FGF13: variants seen among roughly 807,000 people sequenced by gnomAD.
The protein encoded by FGF13 is fibroblast growth factor homologous factor 2.
FGF13 carries 2 observed loss-of-function variants against 19.5 expected under a neutral mutation model. That is an observed-to-expected ratio of 0.10 (90% CI 0.04 to 0.32). The LOEUF (loss-of-function observed/expected upper bound fraction) is 0.32, where lower values mean the gene tolerates loss of function less well. Among genes scored for constraint, FGF13 ranks in the 10% least tolerant of loss-of-function variants. The pLI is 1.00. For synonymous variants in FGF13, 72 were observed against 76.9 expected, an observed-to-expected ratio of 0.94 and a Z score of 0.33; for missense variants, 113 against 192.7, an observed-to-expected ratio of 0.59 and a Z score of 2.45.
intron 3 of FGF13, among the ~76,000 whole-genome samples, chrX:138,755,423 C>T (rs2090425649): frequency 8.9e-6 from 1 of 112,392 alleles, no homozygotes; most frequent in South Asian, 3.7e-4. Flanking sequence ...CAAGGTCCAA[C>T]AATTTCTTGT....
chrX:139,131,210 A>C (rs2083757796), intron 1 of FGF13, among the ~76,000 whole-genome samples: 1 of 111,659 alleles, frequency 9.0e-6, no homozygotes, highest in African/African-American at 3.3e-5. Context: ...GCATAGGAAA[A>C]GATAATAAAC....
intron 3 of FGF13, among the ~76,000 whole-genome samples, chrX:138,749,258 T>A (rs774994511): frequency 2.2e-3 from 233 of 107,922 alleles, no homozygotes; most frequent in Admixed American, 2.9e-3. Context: ...GTAGCTGCTC[T>A]AGAGAAATCA....
At chrX:138,738,104 TAGG>T (rs1469973662) in intron 1 of FGF13, among the ~76,000 whole-genome samples, 4 of 112,035 alleles carry the variant, frequency 3.6e-5, no homozygotes, top group Non-Finnish European at 3.8e-5. Flanking sequence ...GGGGATGCTC[TAGG>T]AGAACTCCAA....
rs1305412307 is a variant in FGF13 at position 139,064,184 on chromosome X, GTGT to G, written c.-113+139229_-113+139231del. ...AAATTTTTAAGTTAATATTTGTCTG[GTGT>G]TTATTTTTTCATCTATTTACTTTCA... On this transcript the variant is annotated intron_variant, in intron 1 of 2. Transcript: ENST00000421460. Among the ~76,000 whole-genome samples, 5 of 106,367 alleles carry G rather than the reference GTGT, an allele frequency of 4.7e-5. No homozygotes were observed. The East Asian group carries it at 1.5e-3, about 32-fold the overall frequency. The allele number at this position is 106,367 out of a possible 115,157, so 92.4% of individuals were successfully genotyped here.
At chrX:139,115,573 T>C (rs1298987424) in intron 1 of FGF13, among the ~76,000 whole-genome samples, 1 of 111,862 alleles carries the variant, frequency 8.9e-6, no homozygotes, top group Non-Finnish European at 1.9e-5. Flanking sequence ...GCCTGTGTCC[T>C]GATATCCTGG....
intron 1 of FGF13, among the ~76,000 whole-genome samples, chrX:139,007,690 C>G (rs1399810039): frequency 8.9e-6 from 1 of 112,310 alleles, no homozygotes; most frequent in Non-Finnish European, 1.9e-5. Context: ...GGAAACAGGA[C>G]AAGCTTGCAG....
intron 1 of FGF13, among the ~76,000 whole-genome samples, chrX:138,934,765 A>G (rs1341986883): frequency 6.2e-5 from 7 of 112,039 alleles, no homozygotes; most frequent in African/African-American, 2.3e-4. Flanking sequence ...CCTCATACAA[A>G]TGTACCCAGC....
chrX:138,956,984 T>G (rs760788208), intron 1 of FGF13, among the ~76,000 whole-genome samples: 2 of 111,858 alleles, frequency 1.8e-5, no homozygotes, highest in Non-Finnish European at 3.8e-5. Flanking sequence ...AAAAGGGATT[T>G]CAAAAGTCCC....
chrX:139,027,216 T>C (rs1037908531), intron 1 of FGF13, among the ~76,000 whole-genome samples: 1 of 112,367 alleles, frequency 8.9e-6, no homozygotes, highest in African/African-American at 3.2e-5. Context: ...TTAGACCTTA[T>C]AAAATGTACT....
At chrX:138,947,724 A>G (rs1238445054) in intron 1 of FGF13, among the ~76,000 whole-genome samples, 1 of 111,816 alleles carries the variant, frequency 8.9e-6, no homozygotes, top group Non-Finnish European at 1.9e-5. Flanking sequence ...CCTAATCACA[A>G]AACTACGGGG....
intron 1 of FGF13, among the ~76,000 whole-genome samples, chrX:138,902,759 A>T (rs2091538006): frequency 8.9e-6 from 1 of 111,978 alleles, no homozygotes. Context: ...AAGGAAGTCT[A>T]TATATGTTTG....
At chrX:138,861,091 GT>G (rs1007220843) in intron 2 of FGF13, among the ~76,000 whole-genome samples, 1 of 112,478 alleles carries the variant, frequency 8.9e-6, no homozygotes, top group African/African-American at 3.2e-5. Flanking sequence ...CATTGCAAAT[GT>G]TTTTCCATTG....
chrX:139,202,659 A>G (rs917904620), intron 1 of FGF13, among the ~76,000 whole-genome samples: 1 of 111,452 alleles, frequency 9.0e-6, no homozygotes, highest in African/African-American at 3.3e-5. Flanking sequence ...GACTTTGACA[A>G]CTTTCCGCGG....
At chrX:138,789,196 G>A (rs986306520) in intron 3 of FGF13, among the ~76,000 whole-genome samples, 1 of 110,454 alleles carries the variant, frequency 9.1e-6, no homozygotes, top group Non-Finnish European at 1.9e-5. Context: ...TTTAGACAGA[G>A]TCTCCCTCTG....
intron 1 of FGF13, among the ~76,000 whole-genome samples, chrX:138,961,974 A>G (rs1172160726): frequency 8.9e-6 from 1 of 112,157 alleles, no homozygotes; most frequent in Non-Finnish European, 1.9e-5. Flanking sequence ...CAATGGCAAC[A>G]CAAGCCAAAA....
At chrX:139,183,941 GATCT>G (rs2084259821) in intron 1 of FGF13, among the ~76,000 whole-genome samples, 1 of 111,728 alleles carries the variant, frequency 9.0e-6, no homozygotes, top group African/African-American at 3.3e-5. Context: ...TGGAGAGGCT[GATCT>G]ATCTAACTGA....
At chrX:138,668,158 C>T (rs1310968047) in intron 3 of FGF13, among the ~76,000 whole-genome samples, 1 of 111,530 alleles carries the variant, frequency 9.0e-6, no homozygotes, top group Non-Finnish European at 1.9e-5. Flanking sequence ...CTGTAAAATG[C>T]TGTGCATGTA....
At chrX:138,824,519 C>T (rs1032939032) in intron 3 of FGF13, among the ~76,000 whole-genome samples, 1 of 111,126 alleles carries the variant, frequency 9.0e-6, no homozygotes, top group Non-Finnish European at 1.9e-5. Flanking sequence ...AGAACCTGAC[C>T]AACTACGATA....
intron 1 of FGF13, among the ~76,000 whole-genome samples, chrX:139,119,766 C>T (rs2083664364): frequency 8.9e-6 from 1 of 112,512 alleles, no homozygotes; most frequent in South Asian, 3.7e-4. Flanking sequence ...TTCCATAAAG[C>T]AGGCACTCTT....
Sources: allele counts gnomAD v4.1 joint callset (sites outside exome capture counted in the v4.1 genomes callset), GRCh38; gene constraint gnomAD v4.1.1; transcripts MANE v1.5; gene names NCBI Gene and HGNC (gene_info 2026-07-23, HGNC 2026-07-21).